Variants in TMPRSS11F observed in about 807,000 individuals in gnomAD.
TMPRSS11F encodes transmembrane serine protease 11F, also known as transmembrane protease serine 11F.
In TMPRSS11F, 47 loss-of-function variants were observed where a neutral mutation model predicts 60.2. The observed-to-expected ratio is 0.78, with a 90% CI of 0.62 to 1.00. The LOEUF (loss-of-function observed/expected upper bound fraction) is 1.00, where lower values mean the gene tolerates loss of function less well. TMPRSS11F is among the 50% of genes least tolerant of loss of function. The probability of loss-of-function intolerance (pLI) is 0.00; values close to 1 mark genes in which losing one functional copy is unlikely to be tolerated. For missense variants in TMPRSS11F, 519 were observed against 522.9 expected, an observed-to-expected ratio of 0.99 and a Z score of 0.07; for synonymous variants, 166 against 167.3, an observed-to-expected ratio of 0.99 and a Z score of 0.06.
chr4:68,060,025 A>C (rs1723124806), intron 8 of TMPRSS11F, among the ~76,000 whole-genome samples: 1 of 152,194 alleles, frequency 6.6e-6, no homozygotes, highest in African/African-American at 2.4e-5. Context: ...AGGAGAGGAT[A>C]CTGCACAGTT....
intron 8 of TMPRSS11F, among the ~76,000 whole-genome samples, chr4:68,060,311 T>C (rs1560391253): frequency 1.3e-5 from 2 of 148,652 alleles, no homozygotes; most frequent in African/African-American, 5.0e-5. Flanking sequence ...ATCGAGACCA[T>C]CCTGACTAAC....
rs1285573438 is a variant in TMPRSS11F at position 68,091,794 on chromosome 4, T to TCTATCTATCTAC, written c.164-1154_164-1153insGTAGATAGATAG. Among the ~76,000 whole-genome samples, 687 of 145,802 alleles carry TCTATCTATCTAC rather than the reference T, an allele frequency of 4.7e-3. 10 individuals are homozygous for TCTATCTATCTAC. The highest frequency in any genetic ancestry group is 0.014 in the African/African-American group (559 of 39,462). ...CTCTCTCTCTCTCTCTATCTATCTA[T>TCTATCTATCTAC]CTATCTTTTTGAGATGGAGTCTCAC... On this transcript the variant is annotated intron_variant, in intron 2 of 9. Transcript: ENST00000356291.
intron 1 of TMPRSS11F, among the ~76,000 whole-genome samples, chr4:68,112,526 T>C (rs569363995): frequency 2.6e-5 from 4 of 152,306 alleles, no homozygotes; most frequent in African/African-American, 7.2e-5. Context: ...AAAAATATAA[T>C]TTGATTGAGC....
At chr4:68,062,329 G>C (rs1299358859) in intron 8 of TMPRSS11F, 13 of 456,738 alleles carry the variant, frequency 2.8e-5, no homozygotes, top group Non-Finnish European at 5.1e-5. Context: ...GATAATGTAC[G>C]TTTCTCAGTT....
At chr4:68,077,081 T>C (rs760982503) in intron 3 of TMPRSS11F, among the ~76,000 whole-genome samples, 2 of 152,186 alleles carry the variant, frequency 1.3e-5, no homozygotes, top group Non-Finnish European at 2.9e-5. Context: ...AGTTCACAGA[T>C]GATGATGCCC....
At chr4:68,123,648 A>G (rs1308564895) in intron 1 of TMPRSS11F, among the ~76,000 whole-genome samples, 1 of 152,198 alleles carries the variant, frequency 6.6e-6, no homozygotes, top group African/African-American at 2.4e-5. Context: ...TAACCACCAC[A>G]AAGCAAGACG....
At chr4:68,094,738 T>C (rs1724036845) in intron 2 of TMPRSS11F, among the ~76,000 whole-genome samples, 1 of 151,996 alleles carries the variant, frequency 6.6e-6, no homozygotes, top group Admixed American at 6.6e-5. Context: ...ATTTTACTCT[T>C]TAGGTTTTCA....
intron 3 of TMPRSS11F, chr4:68,080,212 C>A (rs1723663597): frequency 6.6e-6 from 1 of 152,292 alleles, no homozygotes; most frequent in Non-Finnish European, 1.5e-5. Flanking sequence ...CAGAAGGAAA[C>A]AAAGCAAAGC....
intron 1 of TMPRSS11F, among the ~76,000 whole-genome samples, chr4:68,103,541 T>C (rs1217606964): frequency 6.6e-6 from 1 of 152,180 alleles, no homozygotes; most frequent in East Asian, 1.9e-4. Flanking sequence ...TATGCCAGCA[T>C]CACACTGTTT....
chr4:68,054,040 C>G lies in TMPRSS11F; in HGVS notation c.1186G>C (p.Asp396His). 1 of 1,613,186 alleles carries G rather than the reference C, an allele frequency of 6.2e-7. No homozygotes were observed. The highest frequency in any genetic ancestry group is 8.5e-7 in the Non-Finnish European group (1 of 1,179,384). The change falls in exon 10 of 10, where the codon GAT becomes CAT. Residue 396 changes from aspartate to histidine, a missense_variant. By Grantham distance (81) the Asp-to-His change is moderately conservative. Coordinates refer to ENST00000356291, the MANE Select transcript of TMPRSS11F (RefSeq NM_207407.2). ...ACAATGTACCAGATGTCATGATTATCATAAACCAGAGGTCCACCAGAATCT... is the reference window on the plus strand; with the variant it reads ...ACAATGTACCAGATGTCATGATTATGATAAACCAGAGGTCCACCAGAATCT... ...KGDSGGPLVY[D>H]NHDIWYIVGI... is the part of the protein sequence containing the mutation.
chr4:68,106,046 C>A (rs757973097), intron 1 of TMPRSS11F, among the ~76,000 whole-genome samples: 59 of 152,094 alleles, frequency 3.9e-4, no homozygotes, highest in Non-Finnish European at 7.2e-4. Context: ...AATAAAATGA[C>A]ATTGTTGTGA....
intron 9 of TMPRSS11F, among the ~76,000 whole-genome samples, chr4:68,055,941 C>T (rs139147128): frequency 6.8e-4 from 104 of 152,094 alleles, no homozygotes; most frequent in African/African-American, 2.3e-3. Flanking sequence ...AAAACGAAGG[C>T]TAAAAACTAT....
chr4:68,054,440 C>T (rs1723000707), intron 9 of TMPRSS11F, among the ~76,000 whole-genome samples: 1 of 152,058 alleles, frequency 6.6e-6, no homozygotes, highest in Non-Finnish European at 1.5e-5. Flanking sequence ...CAAATGCTGT[C>T]ACCTTGATTG....
chr4:68,091,769 C>G (rs146543885), intron 2 of TMPRSS11F, among the ~76,000 whole-genome samples: 2 of 118,028 alleles, frequency 1.7e-5, no homozygotes, highest in African/African-American at 6.6e-5. Context: ...CTCTCTCTCT[C>G]TCTCTCTCTC....
intron 2 of TMPRSS11F, among the ~76,000 whole-genome samples, chr4:68,093,278 C>T (rs979262205): frequency 2.0e-5 from 3 of 152,092 alleles, no homozygotes; most frequent in Admixed American, 2.0e-4. Flanking sequence ...AGTACTGAAG[C>T]TTAGTGAAGT....
chr4:68,110,223 T>C (rs1368610829), intron 1 of TMPRSS11F, among the ~76,000 whole-genome samples: 1 of 152,146 alleles, frequency 6.6e-6, no homozygotes, highest in Non-Finnish European at 1.5e-5. Flanking sequence ...ACTACACACA[T>C]ATACACACAG....
At chr4:68,107,043 C>T (rs542568901) in intron 1 of TMPRSS11F, among the ~76,000 whole-genome samples, 19 of 151,606 alleles carry the variant, frequency 1.3e-4, no homozygotes, top group Non-Finnish European at 2.5e-4. Flanking sequence ...CAATACTAAA[C>T]ACTTAATTTC....
chr4:68,093,295 G>A (rs1723983245), intron 2 of TMPRSS11F, among the ~76,000 whole-genome samples: 2 of 152,274 alleles, frequency 1.3e-5, no homozygotes, highest in Admixed American at 6.5e-5. Flanking sequence ...AAGTAGAAAA[G>A]AAGTTTGCTG....
intron 1 of TMPRSS11F, among the ~76,000 whole-genome samples, chr4:68,124,298 A>C (rs1724676002): frequency 1.3e-5 from 2 of 151,956 alleles, no homozygotes. Context: ...CTATAATCCC[A>C]GCACTTTTGA....
Sources: gnomAD v4.1 joint callset for allele counts (sites outside exome capture counted in the v4.1 genomes callset) on GRCh38, gnomAD v4.1.1 for gene constraint, MANE v1.5 for transcripts, NCBI Gene and HGNC (gene_info 2026-07-23, HGNC 2026-07-21) for gene names.